The following DSCAML1 variants were observed in gnomAD, a reference collection of about 807,000 sequenced individuals.
DSCAML1 encodes the protein cell adhesion molecule DSCAML1.
DSCAML1 carries 38 observed loss-of-function variants against 200.5 expected under a neutral mutation model. That is an observed-to-expected ratio of 0.19 (90% CI 0.15 to 0.25). The LOEUF (loss-of-function observed/expected upper bound fraction) is 0.25, where lower values mean the gene tolerates loss of function less well. Among genes scored for constraint, DSCAML1 ranks in the 10% least tolerant of loss-of-function variants. The pLI, the probability that DSCAML1 is intolerant of heterozygous loss-of-function variation, is 1.00. For missense variants in DSCAML1, 2,223 were observed against 2,858.8 expected, an observed-to-expected ratio of 0.78 and a Z score of 5.07; for synonymous variants, 1,215 against 1,165.0, an observed-to-expected ratio of 1.04 and a Z score of -0.87.
Position 117,504,981 on chromosome 11 carries a change from G to C in DSCAML1, c.2125C>G (p.Leu709Val). 2.5e-6 allele frequency: 4 copies of C among 1,612,802 alleles called. No individual in the cohort carries two copies. Among genetic ancestry groups the C allele is most frequent in the Non-Finnish European group, 3.4e-6 (4 of 1,179,242 alleles). ...GGGTAGCCGTCCACCGAGCAGTTGA[G>C]CACACCAGCTTTGCCGTAGATGCCA... ...QDGIYGKAGVLNCSVDGYPPP... is the reference protein window; with the variant it reads ...QDGIYGKAGVVNCSVDGYPPP... The change falls in exon 10 of 33, where the codon CTC becomes GTC. Residue 709 changes from leucine (L) to valine (V), a missense_variant. This residue lies in a region of DSCAML1 where 212 missense variants were observed against 368.0 expected (regional missense o/e 0.58). Coordinates refer to ENST00000651296, the MANE Select transcript of DSCAML1 (RefSeq NM_020693.4). This position sits in a 1 kb window ranked among gnomAD's most constrained non-coding sequence, Gnocchi z 5.0.
At chr11:117,657,414 A>G (rs1399209957) in intron 3 of DSCAML1, among the ~76,000 whole-genome samples, 1 of 152,164 alleles carries the variant, frequency 6.6e-6, no homozygotes, top group Non-Finnish European at 1.5e-5. Context: ...CTGGCCAGTA[A>G]ATGAATGTGG....
intron 3 of DSCAML1, among the ~76,000 whole-genome samples, chr11:117,704,705 G>A (rs1380148326): frequency 6.6e-6 from 1 of 152,158 alleles, no homozygotes; most frequent in Admixed American, 6.5e-5. Flanking sequence ...AAAGGGAAAA[G>A]GTAGGTGTCA....
chr11:117,511,086 G>T (rs1270719220), intron 8 of DSCAML1, among the ~76,000 whole-genome samples: 1 of 152,214 alleles, frequency 6.6e-6, no homozygotes, highest in Non-Finnish European at 1.5e-5. Context: ...GTGGGAGAGG[G>T]TCTCTGGCAC....
chr11:117,440,947 A>AAAAAAG, intron 21 of DSCAML1, among the ~76,000 whole-genome samples: 1 of 137,256 alleles, frequency 7.3e-6, no homozygotes, highest in African/African-American at 2.9e-5. Flanking sequence ...AAAAAAAAAA[A>AAAAAAG]GGAGTGGTGT....
rs1025082430 is a variant in DSCAML1, at chr11:117,642,328, CTTT to C, written c.512-109809_512-109807del. On this transcript the variant is annotated intron_variant, in intron 3 of 32. Transcript: ENST00000651296. This position sits in a 1 kb window ranked among gnomAD's most constrained non-coding sequence, Gnocchi z 4.1. ...CTTCCTATCTCACACCTGCCATCCT[CTTT>C]TTTTTTCTTGCTTGAGCTCTGGTCC... Among the ~76,000 whole-genome samples the C allele has an allele frequency of 6.6e-6, 1 of 151,640 alleles. No homozygotes were observed. Among genetic ancestry groups the C allele is most frequent in the African/African-American group, 2.4e-5 (1 of 41,276 alleles).
chr11:117,510,314 G>A (rs985175908), intron 8 of DSCAML1, among the ~76,000 whole-genome samples: 8 of 152,124 alleles, frequency 5.3e-5, no homozygotes, highest in African/African-American at 7.2e-5. Flanking sequence ...CAAAACACCC[G>A]GTTCCAGACT....
At chr11:117,515,692 C>T (rs936086605) in intron 8 of DSCAML1, among the ~76,000 whole-genome samples, 8 of 141,578 alleles carry the variant, frequency 5.7e-5, no homozygotes, top group African/African-American at 2.1e-4. Context: ...TCAATCTCGG[C>T]TCACTGCAAC....
intron 8 of DSCAML1, among the ~76,000 whole-genome samples, chr11:117,511,291 A>G (rs2049612809): frequency 1.3e-5 from 2 of 152,102 alleles, no homozygotes. Flanking sequence ...GGTCCTGCTG[A>G]GCATGGGCAG....
chr11:117,457,003 T>G (rs1049117256), intron 19 of DSCAML1, among the ~76,000 whole-genome samples: 1 of 152,152 alleles, frequency 6.6e-6, no homozygotes, highest in South Asian at 2.1e-4. Context: ...GCCAGCACCT[T>G]GGTAGCCATA....
In DSCAML1 at chr11:117,504,450, C is replaced by T. The variant is rs1395764989; in HGVS notation, c.2183-429G>A. On this transcript the variant is annotated intron_variant, in intron 10 of 32. Transcript: ENST00000651296. This position sits in a 1 kb window ranked among gnomAD's most constrained non-coding sequence, Gnocchi z 5.0. ...CTCCAAGGGGGCCTTGTGGGCACCCCCTGTCCCTCCATTCCCCAGTGTCAG... is the reference window on the plus strand; with the variant it reads ...CTCCAAGGGGGCCTTGTGGGCACCCTCTGTCCCTCCATTCCCCAGTGTCAG... 6.6e-6 allele frequency among the ~76,000 whole-genome samples: 1 copy of T among 152,174 alleles called. No homozygotes were observed. The highest frequency in any genetic ancestry group is 1.5e-5 in the Non-Finnish European group (1 of 68,024).
At chr11:117,815,445 T>C (rs139464123) in intron 1 of DSCAML1, among the ~76,000 whole-genome samples, 8 of 152,294 alleles carry the variant, frequency 5.3e-5, no homozygotes, top group African/African-American at 1.9e-4. Context: ...AGGCAGGGCT[T>C]CCGGGGCCAC....
rs376061227 is a variant in DSCAML1 at position 117,452,778 on chromosome 11, T to C, written c.3569-2090A>G. ...GCTTGACTGTTACACAGTCTTTCACTACTTTTAGTGGTTCCATAATAGATT... is the reference window on the plus strand; with the variant it reads ...GCTTGACTGTTACACAGTCTTTCACCACTTTTAGTGGTTCCATAATAGATT... On this transcript the variant is annotated intron_variant, in intron 19 of 32. Coordinates refer to ENST00000651296, the MANE Select transcript of DSCAML1 (RefSeq NM_020693.4). Among the ~76,000 whole-genome samples, 298 of 152,360 alleles carry C rather than the reference T, an allele frequency of 2.0e-3. 3 individuals carry two copies. The highest frequency in any genetic ancestry group is 6.5e-3 in the African/African-American group (272 of 41,584).
intron 17 of DSCAML1, among the ~76,000 whole-genome samples, chr11:117,462,748 A>G (rs1332019248): frequency 1.3e-5 from 2 of 152,240 alleles, no homozygotes; most frequent in South Asian, 2.1e-4. Flanking sequence ...AAAAGACACT[A>G]TTGCTAAAGC....
At chr11:117,693,834 A>G (rs1003787440) in intron 3 of DSCAML1, among the ~76,000 whole-genome samples, 4 of 152,142 alleles carry the variant, frequency 2.6e-5, no homozygotes, top group Admixed American at 2.6e-4. Flanking sequence ...AGCCTAGCCC[A>G]CAAGGACATA....
At chr11:117,702,990 G>T (rs1457983394) in intron 3 of DSCAML1, among the ~76,000 whole-genome samples, 1 of 152,152 alleles carries the variant, frequency 6.6e-6, no homozygotes, top group Non-Finnish European at 1.5e-5. Flanking sequence ...GAATTTGGAG[G>T]TTTCTTAAAT....
intron 3 of DSCAML1, among the ~76,000 whole-genome samples, chr11:117,582,640 C>T (rs1591291423): frequency 6.6e-6 from 1 of 152,332 alleles, no homozygotes; most frequent in African/African-American, 2.4e-5. Flanking sequence ...CTGCCAAGTG[C>T]AAACCAGAGA....
At chr11:117,744,985 C>A (rs569148379) in intron 3 of DSCAML1, among the ~76,000 whole-genome samples, 7 of 151,512 alleles carry the variant, frequency 4.6e-5, no homozygotes, top group South Asian at 2.1e-4. Context: ...GGACAAGGGG[C>A]TACCTGACAG....
chr11:117,780,231 G>GAAAGGAAAGAAAGAAAGAAAGAAAAA lies in DSCAML1; in HGVS notation c.364+261_364+262insTTTTTCTTTCTTTCTTTCTTTCCTTT, dbSNP rs1555032678. ...AAAGAGAGAGAGAGAAAGAAAGAAAGGAAAGAAAGAAAGAAAGAAAGAAAG... is the reference window on the plus strand; with the variant it reads ...AAAGAGAGAGAGAGAAAGAAAGAAAGAAAGGAAAGAAAGAAAGAAAGAAAAAGAAAGAAAGAAAGAAAGAAAGAAAG... On this transcript the variant is annotated intron_variant, in intron 2 of 32. Coordinates refer to ENST00000651296, the MANE Select transcript of DSCAML1 (RefSeq NM_020693.4). The surrounding 1 kb of genome is among the most constrained non-coding windows in gnomAD (Gnocchi z 4.8). Among the ~76,000 whole-genome samples the GAAAGGAAAGAAAGAAAGAAAGAAAAA allele has an allele frequency of 1.3e-3, 76 of 60,428 alleles. 1 individual carries two copies. The highest frequency in any genetic ancestry group is 4.5e-3 in the African/African-American group (67 of 15,048). 39.6% of individuals were successfully genotyped at this position (60,428 alleles called of 152,430 possible). A position where few individuals can be genotyped will look rare whatever the true frequency, so the allele number is the denominator to read the frequency against.
At position 117,469,954 on chromosome 11, in the gene DSCAML1, T is replaced by C. The variant is rs760035548; in HGVS notation, c.2980A>G (p.Thr994Ala). The change falls in exon 16 of 33, where the codon ACC becomes GCC. Residue 994 changes from threonine (T) to alanine (A), a missense_variant. Thr to Ala is a moderately conservative substitution (Grantham distance 58, BLOSUM62 0). Around this residue, in one of 7 missense-constraint regions of DSCAML1, gnomAD observed 438 missense variants for 629.7 expected, o/e 0.70. Transcript: ENST00000651296. The surrounding 1 kb of genome is among the most constrained non-coding windows in gnomAD (Gnocchi z 4.1). Reference protein sequence around the residue: ...AAPDGPPMDVTLQPVTSQSIQ... With the variant: ...AAPDGPPMDVALQPVTSQSIQ... ...CTCTGTGAGGTCACTGGCTGCAAGG[T>C]AACATCCATGGGGGGCCCATCGGGA... is the stretch of plus-strand genomic sequence containing the variant. 1.2e-6 allele frequency: 2 copies of C among 1,606,972 alleles called. No homozygotes were observed. Among genetic ancestry groups the C allele is most frequent in the Admixed American group, 1.7e-5 (1 of 59,844 alleles).
Sources: allele counts gnomAD v4.1 joint callset (sites outside exome capture counted in the v4.1 genomes callset), GRCh38; gene constraint gnomAD v4.1.1; regional missense constraint gnomAD v4.1.1; non-coding constraint Gnocchi (gnomAD v3.1); transcripts MANE v1.5; gene names NCBI Gene and HGNC (gene_info 2026-07-23, HGNC 2026-07-21).